ABRAXAS1: variants seen among roughly 807,000 people sequenced by gnomAD.
ABRAXAS1 encodes BRCA1-A complex subunit Abraxas 1.
Under a neutral mutation model 38.4 loss-of-function variants are expected in ABRAXAS1, and 26 were observed. The observed-to-expected ratio is 0.68, with a 90% CI of 0.50 to 0.94. ABRAXAS1 has a LOEUF of 0.94. ABRAXAS1 is among the 40% of genes least tolerant of loss of function. The pLI is 0.00. For missense variants in ABRAXAS1, 438 were observed against 481.9 expected (o/e 0.91, Z 0.85); for synonymous variants, 144 against 165.5 (o/e 0.87, Z 1.00).
In ABRAXAS1 at chr4:83,459,768, C is replaced by G; in HGVS notation, c.*2701G>C. On this transcript the variant is annotated 3_prime_UTR_variant, in exon 9 of 9. Coordinates refer to ENST00000321945, the MANE Select transcript of ABRAXAS1 (RefSeq NM_139076.3). ...TTGTCCCAGTTTGTTTCTCCATTTA[C>G]TGGATGCATTTATGGAAGGCACATT... 6.2e-7 allele frequency: 1 copy of G among 1,610,692 alleles called. No homozygotes were observed. Among genetic ancestry groups the G allele is most frequent in the Non-Finnish European group, 8.5e-7 (1 of 1,178,238 alleles).
At chr4:83,473,657 C>T (rs1722662799) in intron 3 of ABRAXAS1, among the ~76,000 whole-genome samples, 1 of 151,886 alleles carries the variant, frequency 6.6e-6, no homozygotes, top group Admixed American at 6.6e-5. Flanking sequence ...GTAATGGGGA[C>T]TACAGGCATG....
intron 3 of ABRAXAS1, among the ~76,000 whole-genome samples, chr4:83,476,224 G>A (rs1722763555): frequency 6.6e-6 from 1 of 152,000 alleles, no homozygotes; most frequent in South Asian, 2.1e-4. Context: ...AACATAACCA[G>A]CTAACAGACA....
At chr4:83,474,909 G>A (rs1186394939) in intron 3 of ABRAXAS1, among the ~76,000 whole-genome samples, 1 of 152,012 alleles carries the variant, frequency 6.6e-6, no homozygotes, top group Non-Finnish European at 1.5e-5. Flanking sequence ...TGTGGTCTTG[G>A]TTAAATCATG....
At chr4:83,469,261 C>T (rs962644910) in intron 5 of ABRAXAS1, 110 bp from the exon 6 acceptor site, 5 of 907,354 alleles carry the variant, frequency 5.5e-6, no homozygotes, top group African/African-American at 1.7e-5. Flanking sequence ...ATACACCCCC[C>T]AAAACCCATT....
chr4:83,471,930 A>C (rs1363518518), intron 4 of ABRAXAS1, among the ~76,000 whole-genome samples: 1 of 152,216 alleles, frequency 6.6e-6, no homozygotes, highest in Non-Finnish European at 1.5e-5. Flanking sequence ...AGAACTGATT[A>C]GGTCACAGAA....
chr4:83,464,604 T>C (rs1170217027), intron 7 of ABRAXAS1, among the ~76,000 whole-genome samples: 1 of 152,176 alleles, frequency 6.6e-6, no homozygotes, highest in Non-Finnish European at 1.5e-5. Flanking sequence ...CAAGCCTACT[T>C]TTTACAAACT....
At chr4:83,471,457 C>T (rs1473012884) in intron 4 of ABRAXAS1, among the ~76,000 whole-genome samples, 3 of 151,918 alleles carry the variant, frequency 2.0e-5, no homozygotes, top group Non-Finnish European at 2.9e-5. Context: ...ATCCGCCCTC[C>T]GCAGCCTACC....
intron 7 of ABRAXAS1, among the ~76,000 whole-genome samples, chr4:83,465,699 G>A (rs1464345296): frequency 2.6e-5 from 4 of 152,076 alleles, no homozygotes; most frequent in Admixed American, 6.5e-5. Context: ...GAAAGAGGAG[G>A]ATCACTTGAG....
chr4:83,476,414 T>A (rs768288182), intron 3 of ABRAXAS1, among the ~76,000 whole-genome samples: 2 of 152,116 alleles, frequency 1.3e-5, no homozygotes, highest in Non-Finnish European at 2.9e-5. Flanking sequence ...AACTGGTGCC[T>A]GGGAAAGGTA....
rs1722100006 is a variant in ABRAXAS1, at chr4:83,461,237, A to C, written c.*1232T>G. On this transcript the variant is annotated 3_prime_UTR_variant, in exon 9 of 9. Coordinates refer to ENST00000321945, the MANE Select transcript of ABRAXAS1 (RefSeq NM_139076.3). ...CCACTAATAAACTTATTTTACAGTA[A>C]GTGGTTGTATGATGCCAATACTGAC... 6.3e-7 allele frequency: 1 copy of C among 1,579,270 alleles called. No individual in the cohort carries two copies. The highest frequency in any genetic ancestry group is 1.1e-5 in the South Asian group (1 of 90,004).
chr4:83,467,605 ATT>A lies in ABRAXAS1; in HGVS notation c.597-69_597-68del, dbSNP rs1469435311. On this transcript the variant is annotated intron_variant, in intron 6 of 8. Transcript: ENST00000321945. Reference sequence around the variant, plus strand: ...ATTTTAATGATAAGGTGAAAAACTTATTCATTGTCAAGGACCAATAGAAGAGT... The same window carrying A: ...ATTTTAATGATAAGGTGAAAAACTTACATTGTCAAGGACCAATAGAAGAGT... 7.7e-5 allele frequency: 60 copies of A among 783,574 alleles called. No homozygotes were observed. The African/African-American group carries it at 1.9e-3, about 25-fold the overall frequency. 48.5% of individuals were successfully genotyped at this position (783,574 alleles called of 1,614,324 possible).
At chr4:83,471,650 T>C (rs778728741) in intron 4 of ABRAXAS1, among the ~76,000 whole-genome samples, 4 of 152,166 alleles carry the variant, frequency 2.6e-5, no homozygotes, top group Non-Finnish European at 4.4e-5. Context: ...AAGTATGTTA[T>C]AGAGGATCCA....
At position 83,462,795 on chromosome 4, in the gene ABRAXAS1, T is replaced by C. The variant is rs752068094; in HGVS notation, c.904A>G (p.Lys302Glu). ...EFLHSCVMSL[K>E]NRHVSKSSCN... ...CTACTTTTAGAAACATGTCTATTTTTTAAAGACATAACACATGAATGAAGA... is the reference window on the plus strand; with the variant it reads ...CTACTTTTAGAAACATGTCTATTTTCTAAAGACATAACACATGAATGAAGA... Residue 302 changes from lysine to glutamate, a missense_variant, in exon 9 of 9, where the codon AAA becomes GAA. Physicochemically the swap from Lys to Glu is moderately conservative, Grantham distance 56. Coordinates refer to ENST00000321945, the MANE Select transcript of ABRAXAS1 (RefSeq NM_139076.3). The C allele has an allele frequency of 4.3e-6, 7 of 1,613,908 alleles. No homozygotes were observed. The South Asian group carries it at 7.7e-5, about 18-fold the overall frequency.
rs535776494 is a variant in ABRAXAS1, at chr4:83,468,924, G to A, written c.596+108C>T. 1,770 of 1,290,782 alleles carry A rather than the reference G, an allele frequency of 1.4e-3. 7 individuals carry two copies. Among genetic ancestry groups the A allele is most frequent in the Admixed American group, 2.6e-3 (135 of 52,538 alleles). The allele number at this position is 1,290,782 out of a possible 1,614,324, so 80.0% of individuals were successfully genotyped here. On this transcript the variant is annotated intron_variant, in intron 6 of 8. Transcript: ENST00000321945. ...GGTAAAAACAGCCTAGTTTACTTGA[G>A]TAATGGATTAATTTTCCCTTGAATT...
chr4:83,484,183 T>G, intron 1 of ABRAXAS1: 1 of 984,960 alleles, frequency 1.0e-6, no homozygotes. Context: ...TAAGGCAATT[T>G]TGAGTAAAAT....
chr4:83,461,422 T>TATA lies in ABRAXAS1; in HGVS notation c.*1044_*1046dup, dbSNP rs1341041670. ...AAAGTGGTTCTGTGTGATTGTCATT[T>TATA]ATATCTGATCCCCAAATAGCTCATA... On this transcript the variant is annotated 3_prime_UTR_variant, in exon 9 of 9. Coordinates refer to ENST00000321945, the MANE Select transcript of ABRAXAS1 (RefSeq NM_139076.3). The TATA allele has an allele frequency of 2.0e-6, 1 of 491,362 alleles. No individual in the cohort carries two copies. The highest frequency in any genetic ancestry group is 3.7e-6 in the Non-Finnish European group (1 of 269,756). 30.4% of individuals were successfully genotyped at this position (491,362 alleles called of 1,614,324 possible).
rs1236290730 is a variant in ABRAXAS1, at chr4:83,462,664, C to T, written c.1035G>A (p.Lys345=). 1.9e-6 allele frequency: 3 copies of T among 1,613,830 alleles called. No homozygotes were observed. The highest frequency in any genetic ancestry group is 1.3e-5 in the African/African-American group (1 of 74,918). Residue 345 remains lysine, a synonymous_variant, in exon 9 of 9, where the codon AAG becomes AAA. Transcript: ENST00000321945. ...ASPASTPQII[K]HKALDLDDRW... is the part of the protein sequence containing the mutation. ...TGTCATCTAAGTCTAAGGCTTTATGCTTAATGATTTGTGGTGTACTAGCTG... is the reference window on the plus strand; with the variant it reads ...TGTCATCTAAGTCTAAGGCTTTATGTTTAATGATTTGTGGTGTACTAGCTG...
Position 83,460,707 on chromosome 4 carries a change from C to G in ABRAXAS1, c.*1762G>C. 1 of 364,496 alleles carries G rather than the reference C, an allele frequency of 2.7e-6. No homozygotes were observed. Among genetic ancestry groups the G allele is most frequent in the Non-Finnish European group, 5.1e-6 (1 of 196,648 alleles). 22.6% of individuals were successfully genotyped at this position (364,496 alleles called of 1,614,324 possible). On this transcript the variant is annotated 3_prime_UTR_variant, in exon 9 of 9. Transcript: ENST00000321945. ...TCACCTGAGGCCAGGAGTTCAGGAC[C>G]AGCCTGGCCAATATGGTGAAACCCC...
intron 7 of ABRAXAS1, 98 bp from the exon 8 acceptor site, chr4:83,463,706 A>G: frequency 1.8e-6 from 1 of 564,362 alleles, no homozygotes; most frequent in Non-Finnish European, 2.9e-6. Context: ...GGTGGTATAT[A>G]ATACCCAAAA....
Sources: gnomAD v4.1 joint callset for allele counts (sites outside exome capture counted in the v4.1 genomes callset) on GRCh38, gnomAD v4.1.1 for gene constraint, MANE v1.5 for transcripts, NCBI Gene and HGNC (gene_info 2026-07-23, HGNC 2026-07-21) for gene names.